CHUK: variants seen among roughly 807,000 people sequenced by gnomAD.
The protein encoded by CHUK is component of inhibitor of nuclear factor kappa B kinase complex.
Under a neutral mutation model 104.8 loss-of-function variants are expected in CHUK, and 35 were observed. The ratio of observed to expected loss-of-function variants is 0.33; its 90% confidence interval spans 0.26 to 0.44. CHUK has a LOEUF of 0.44. CHUK is among the 20% of genes least tolerant of loss of function. The pLI, the probability that CHUK is intolerant of heterozygous loss-of-function variation, is 1.00. For missense variants in CHUK, 663 were observed against 902.7 expected (o/e 0.73, Z 3.40); for synonymous variants, 276 against 291.9 (o/e 0.95, Z 0.56).
chr10:100,192,611 T>C (rs1845230254), intron 19 of CHUK: 2 of 985,962 alleles, frequency 2.0e-6, no homozygotes, highest in South Asian at 9.4e-5. Context: ...GCTGGTGCTG[T>C]AGAGGTCTCC....
chr10:100,222,274 C>G, intron 3 of CHUK, 93 bp from the exon 4 acceptor site: 2 of 701,464 alleles, frequency 2.9e-6, no homozygotes, highest in South Asian at 3.1e-5. Flanking sequence ...AAAGAATATT[C>G]AAATGAGAAA....
intron 16 of CHUK, among the ~76,000 whole-genome samples, chr10:100,198,970 C>T (rs1845400051): frequency 6.6e-6 from 1 of 152,100 alleles, no homozygotes; most frequent in East Asian, 1.9e-4. Flanking sequence ...TCACAAACAT[C>T]CTCTTAAATA....
intron 9 of CHUK, among the ~76,000 whole-genome samples, chr10:100,214,866 A>C (rs1303804701): frequency 6.6e-6 from 1 of 152,250 alleles, no homozygotes; most frequent in Non-Finnish European, 1.5e-5. Context: ...AGGAAGAGTC[A>C]ACACATCCAA....
rs555643229 is a variant in CHUK, at chr10:100,189,282, A to G, written c.*316T>C. On this transcript the variant is annotated 3_prime_UTR_variant, in exon 21 of 21. Coordinates refer to ENST00000370397, the MANE Select transcript of CHUK (RefSeq NM_001278.5). ...ACATAGAAGGTATTTTTAATCAGTTAAATAAGTAATGTTTTACCAAGACTG... is the reference window on the plus strand; with the variant it reads ...ACATAGAAGGTATTTTTAATCAGTTGAATAAGTAATGTTTTACCAAGACTG... 1.6e-4 allele frequency: 48 copies of G among 305,232 alleles called. No individual in the cohort carries two copies. Among genetic ancestry groups the G allele is most frequent in the Non-Finnish European group, 2.6e-4 (42 of 162,370 alleles). 18.9% of individuals were successfully genotyped at this position (305,232 alleles called of 1,614,324 possible). A position where few individuals can be genotyped will look rare whatever the true frequency, so the allele number is the denominator to read the frequency against.
At chr10:100,192,676 G>A in intron 19 of CHUK, 2 of 986,854 alleles carry the variant, frequency 2.0e-6, no homozygotes, top group Non-Finnish European at 2.4e-6. Flanking sequence ...ACTGGCTTTG[G>A]ATACGGCACA....
chr10:100,209,474 G>C (rs1305201554), intron 10 of CHUK, 121 bp downstream of exon 10: 4 of 700,584 alleles, frequency 5.7e-6, no homozygotes, highest in African/African-American at 3.5e-5. Flanking sequence ...GTTGGGAGAA[G>C]GACAAAACCA....
At chr10:100,199,455 T>C (rs1158618493) in intron 16 of CHUK, among the ~76,000 whole-genome samples, 1 of 152,224 alleles carries the variant, frequency 6.6e-6, no homozygotes, top group Non-Finnish European at 1.5e-5. Context: ...TCCTCCCAAG[T>C]AGCTGGGATT....
intron 9 of CHUK, among the ~76,000 whole-genome samples, chr10:100,210,091 A>ATTTT (rs11436816): frequency 1.1e-4 from 13 of 121,820 alleles, no homozygotes; most frequent in South Asian, 6.9e-4. Flanking sequence ...TTATTTATTT[A>ATTTT]TTTTTTTTTT....
intron 15 of CHUK, among the ~76,000 whole-genome samples, chr10:100,200,459 T>C (rs1845434908): frequency 6.6e-6 from 1 of 152,210 alleles, no homozygotes; most frequent in Non-Finnish European, 1.5e-5. Flanking sequence ...AAATAAATGC[T>C]TTTATTAAAA....
At chr10:100,186,890 CG>C (rs1845032252), downstream of CHUK, 1 of 152,058 alleles carries the variant, frequency 6.6e-6, no homozygotes, top group Non-Finnish European at 1.5e-5. Context: ...ACCCAGCGGA[CG>C]GGGTGGGGGT....
chr10:100,211,970 C>G (rs1401530780), intron 9 of CHUK, among the ~76,000 whole-genome samples: 1 of 151,906 alleles, frequency 6.6e-6, no homozygotes, highest in Non-Finnish European at 1.5e-5. Context: ...ACAACTTCCA[C>G]CTCCTGAATT....
At chr10:100,204,125 TAC>T (rs1845534456) in intron 13 of CHUK, among the ~76,000 whole-genome samples, 1 of 152,196 alleles carries the variant, frequency 6.6e-6, no homozygotes, top group African/African-American at 2.4e-5. Flanking sequence ...AGGCTCCACC[TAC>T]CAACACCTTC....
chr10:100,218,882 T>C, intron 7 of CHUK, 57 bp from the exon 8 acceptor site: 1 of 1,535,176 alleles, frequency 6.5e-7, no homozygotes, highest in East Asian at 2.3e-5. Context: ...TTAAGATTTC[T>C]TGCCATTTAA....
intron 9 of CHUK, among the ~76,000 whole-genome samples, chr10:100,213,118 T>C (rs919262815): frequency 2.0e-5 from 3 of 152,264 alleles, no homozygotes; most frequent in Non-Finnish European, 4.4e-5. Context: ...TACCCTAATC[T>C]GATCACTACA....
chr10:100,228,107 G>T (rs922363986), intron 1 of CHUK, among the ~76,000 whole-genome samples: 1 of 152,174 alleles, frequency 6.6e-6, no homozygotes, highest in African/African-American at 2.4e-5. Context: ...GTCAGGTACC[G>T]TATTTAGCTT....
intron 16 of CHUK, among the ~76,000 whole-genome samples, chr10:100,199,020 T>C (rs1845401271): frequency 6.6e-6 from 1 of 152,172 alleles, no homozygotes; most frequent in Non-Finnish European, 1.5e-5. Context: ...AAGCTAGGTT[T>C]CAACCCCATT....
chr10:100,222,296 T>C, intron 3 of CHUK, 115 bp from the exon 4 acceptor site: 1 of 670,210 alleles, frequency 1.5e-6, no homozygotes, highest in East Asian at 2.8e-5. Context: ...TAAGTCATAA[T>C]AAAATACAAG....
intron 2 of CHUK, among the ~76,000 whole-genome samples, chr10:100,224,453 T>A (rs985440692): frequency 2.6e-5 from 4 of 152,198 alleles, no homozygotes; most frequent in African/African-American, 9.7e-5. Flanking sequence ...TTATTATTTA[T>A]TTATTTATTT....
chr10:100,214,078 T>C (rs1201446969), intron 9 of CHUK, among the ~76,000 whole-genome samples: 1 of 152,206 alleles, frequency 6.6e-6, no homozygotes, highest in Non-Finnish European at 1.5e-5. Flanking sequence ...CAGCTGCCAC[T>C]TATAGCAATA....
Sources: gnomAD v4.1 joint callset for allele counts (sites outside exome capture counted in the v4.1 genomes callset) on GRCh38, gnomAD v4.1.1 for gene constraint, MANE v1.5 for transcripts, NCBI Gene and HGNC (gene_info 2026-07-23, HGNC 2026-07-21) for gene names.